PEX26: variants seen among roughly 807,000 people sequenced by gnomAD.
PEX26 encodes peroxisomal biogenesis factor 26.
A neutral mutation model predicts 31.4 loss-of-function variants in PEX26; 18 were observed. The observed-to-expected ratio is 0.57, with a 90% CI of 0.40 to 0.85. PEX26 has a LOEUF of 0.85. Among genes scored for constraint, PEX26 ranks in the 40% least tolerant of loss-of-function variants. The probability of loss-of-function intolerance (pLI) is 0.00; values close to 1 mark genes in which losing one functional copy is unlikely to be tolerated. For synonymous variants in PEX26, 176 were observed against 166.9 expected, an observed-to-expected ratio of 1.05 and a Z score of -0.42; for missense variants, 377 against 383.9, an observed-to-expected ratio of 0.98 and a Z score of 0.15.
In PEX26 at chr22:18,103,217, CAT is replaced by C. The variant is rs1927511767; in HGVS notation, c.*15144_*15145del. On this transcript the variant is annotated 3_prime_UTR_variant, in exon 5 of 5. Transcript: ENST00000399744. ...GAAGAGGTGGCTTGATGGACACAAA[CAT>C]AGATAGAAGGAGTGAGTTCTAATGC... The C allele has an allele frequency of 6.6e-6, 1 of 150,610 alleles. No homozygotes were observed. The highest frequency in any genetic ancestry group is 1.5e-5 in the Non-Finnish European group (1 of 67,922). The allele number at this position is 150,610 out of a possible 1,614,324, so 9.3% of individuals were successfully genotyped here. A position where few individuals can be genotyped will look rare whatever the true frequency, so the allele number is the denominator to read the frequency against.
rs1927155307 is a variant in PEX26 at position 18,092,846 on chromosome 22, G to C, written c.*4771G>C. 1 of 139,654 alleles carries C rather than the reference G, an allele frequency of 7.2e-6. No homozygotes were observed. Among genetic ancestry groups the C allele is most frequent in the Admixed American group, 7.5e-5 (1 of 13,336 alleles). 8.7% of individuals were successfully genotyped at this position (139,654 alleles called of 1,614,324 possible). Reference sequence around the variant, plus strand: ...TTTGGGGGGGGGGTGGGTTATAAAAGCCCTTTTATAAAGCCAATTTTAAAC... The same window carrying C: ...TTTGGGGGGGGGGTGGGTTATAAAACCCCTTTTATAAAGCCAATTTTAAAC... On this transcript the variant is annotated 3_prime_UTR_variant, in exon 5 of 5. Transcript: ENST00000399744.
At chr22:18,086,370 T>C (rs755968970) in intron 4 of PEX26, among the ~76,000 whole-genome samples, 20 of 152,246 alleles carry the variant, frequency 1.3e-4, no homozygotes, top group Non-Finnish European at 2.5e-4. Flanking sequence ...TACTCTGCTG[T>C]GCTTTCAGTC....
In PEX26 at chr22:18,104,570, T is replaced by C. The variant is rs1354508905; in HGVS notation, c.*16495T>C. 1 of 152,140 alleles carries C rather than the reference T, an allele frequency of 6.6e-6. No homozygotes were observed. The highest frequency in any genetic ancestry group is 2.4e-5 in the African/African-American group (1 of 41,402). The allele number at this position is 152,140 out of a possible 1,614,324, so 9.4% of individuals were successfully genotyped here. ...CCCATCTGTGACAGAGCCTTGGATG[T>C]CACGAGGCCACAGGCTGGCCTTTCC... On this transcript the variant is annotated 3_prime_UTR_variant, in exon 5 of 5. Transcript: ENST00000399744.
In PEX26 at chr22:18,096,197, T is replaced by C. The variant is rs1038011671; in HGVS notation, c.*8122T>C. On this transcript the variant is annotated 3_prime_UTR_variant, in exon 5 of 5. Coordinates refer to ENST00000399744, the MANE Select transcript of PEX26 (RefSeq NM_001127649.3). ...TGCCTCAGTTACTTCATAGGTTTGTTGTGAGGATTAACTGGTGCTAATCCA... is the reference window on the plus strand; with the variant it reads ...TGCCTCAGTTACTTCATAGGTTTGTCGTGAGGATTAACTGGTGCTAATCCA... 6.6e-6 allele frequency: 1 copy of C among 152,154 alleles called. No individual in the cohort carries two copies. The highest frequency in any genetic ancestry group is 2.4e-5 in the African/African-American group (1 of 41,434). The allele number at this position is 152,154 out of a possible 1,614,324, so 9.4% of individuals were successfully genotyped here. A position where few individuals can be genotyped will look rare whatever the true frequency, so the allele number is the denominator to read the frequency against.
Position 18,089,486 on chromosome 22 carries a change from T to TAGG in PEX26, c.*1412_*1413insGGA, listed in dbSNP as rs1926988092. 6.6e-6 allele frequency: 1 copy of TAGG among 152,324 alleles called. No individual in the cohort carries two copies. The highest frequency in any genetic ancestry group is 1.5e-5 in the Non-Finnish European group (1 of 68,078). 9.4% of individuals were successfully genotyped at this position (152,324 alleles called of 1,614,324 possible). On this transcript the variant is annotated 3_prime_UTR_variant, in exon 5 of 5. Transcript: ENST00000399744. ...GTTTTCTCACCAGCCACAAGCATCTTATGAGTTTCTGTGCAAGGAAGCGTA... is the reference window on the plus strand; with the variant it reads ...GTTTTCTCACCAGCCACAAGCATCTTAGGATGAGTTTCTGTGCAAGGAAGCGTA...
At position 18,088,156 on chromosome 22, in the gene PEX26, C is replaced by G; in HGVS notation, c.*81C>G. The G allele has an allele frequency of 2.1e-6, 2 of 956,404 alleles. No homozygotes were observed. The highest frequency in any genetic ancestry group is 3.4e-6 in the Non-Finnish European group (2 of 589,054). 59.2% of individuals were successfully genotyped at this position (956,404 alleles called of 1,614,324 possible). A position where few individuals can be genotyped will look rare whatever the true frequency, so the allele number is the denominator to read the frequency against. On this transcript the variant is annotated 3_prime_UTR_variant, in exon 5 of 5. Transcript: ENST00000399744. The surrounding 1 kb of genome is among the most constrained non-coding windows in gnomAD (Gnocchi z 4.1). The stretch of plus-strand genomic sequence containing the variant: ...AGCGACAGAGCGACACATCCACAGG[C>G]GCCCCTGGGGAAATGGGACCAGCCT...
intron 2 of PEX26, among the ~76,000 whole-genome samples, chr22:18,080,629 C>CA (rs1926535381): frequency 1.3e-5 from 2 of 151,970 alleles, no homozygotes; most frequent in East Asian, 3.9e-4. Context: ...CGCCCCTGGC[C>CA]AAAAAATAAC....
chr22:18,088,423 A>C lies in PEX26; in HGVS notation c.*348A>C. On this transcript the variant is annotated 3_prime_UTR_variant, in exon 5 of 5. Transcript: ENST00000399744. The surrounding 1 kb of genome is among the most constrained non-coding windows in gnomAD (Gnocchi z 4.1). ...GGTTGGTTCTTCAGGTCAGGATGTT[A>C]ATGGAGCTGGAAGTTCAGAAAAAGC... 1 of 397,334 alleles carries C rather than the reference A, an allele frequency of 2.5e-6. No homozygotes were observed. The highest frequency in any genetic ancestry group is 4.8e-6 in the Non-Finnish European group (1 of 207,538). The allele number at this position is 397,334 out of a possible 1,614,324, so 24.6% of individuals were successfully genotyped here. A position where few individuals can be genotyped will look rare whatever the true frequency, so the allele number is the denominator to read the frequency against.
Position 18,100,498 on chromosome 22 carries a change from C to G in PEX26, c.*12423C>G, listed in dbSNP as rs941116662. ...TCATGGTCCGAAAGTATTTAGTCAGCAATGTACCATTATAGAAAAACACAT... is the reference window on the plus strand; with the variant it reads ...TCATGGTCCGAAAGTATTTAGTCAGGAATGTACCATTATAGAAAAACACAT... On this transcript the variant is annotated 3_prime_UTR_variant, in exon 5 of 5. Transcript: ENST00000399744. The G allele has an allele frequency of 1.3e-5, 2 of 152,144 alleles. No individual in the cohort carries two copies. The highest frequency in any genetic ancestry group is 4.1e-4 in the South Asian group (2 of 4,826). The allele number at this position is 152,144 out of a possible 1,614,324, so 9.4% of individuals were successfully genotyped here. A position where few individuals can be genotyped will look rare whatever the true frequency, so the allele number is the denominator to read the frequency against.
rs77652499 is a variant in PEX26 at position 18,080,966 on chromosome 22, C to T, written c.371+952C>T. Among the ~76,000 whole-genome samples the T allele has an allele frequency of 7.2e-3, 1,101 of 152,010 alleles. 15 individuals are homozygous for T. Among genetic ancestry groups the T allele is most frequent in the African/African-American group, 0.025 (1,030 of 41,422 alleles). ...TTCCTTTCCCAGTCTCTGGTAACCA[C>T]CGTTCTACCGTCTGCTTCTATGATA... On this transcript the variant is annotated intron_variant, in intron 2 of 4. Transcript: ENST00000399744.
chr22:18,084,759 G>A (rs933393465), intron 3 of PEX26, among the ~76,000 whole-genome samples: 6 of 124,670 alleles, frequency 4.8e-5, no homozygotes, highest in African/African-American at 1.9e-4. Context: ...TTTTGCTCTT[G>A]TTGCCCAAGC....
chr22:18,084,390 G>A lies in PEX26; in HGVS notation c.667+658G>A, dbSNP rs906914890. ...CTCCTGAGTAGCTGGGACTACAGGT[G>A]CCCGCCACCACACCTGGCTAATTTT... On this transcript the variant is annotated intron_variant, in intron 3 of 4. Coordinates refer to ENST00000399744, the MANE Select transcript of PEX26 (RefSeq NM_001127649.3). 3.3e-5 allele frequency among the ~76,000 whole-genome samples: 5 copies of A among 151,990 alleles called. No individual in the cohort carries two copies. In the East Asian group the frequency reaches 9.7e-4, roughly 29 times the overall value.
Position 18,094,334 on chromosome 22 carries a change from C to T in PEX26, c.*6259C>T, listed in dbSNP as rs996284501. 6.6e-6 allele frequency: 1 copy of T among 152,258 alleles called. No homozygotes were observed. The highest frequency in any genetic ancestry group is 2.4e-5 in the African/African-American group (1 of 41,412). 9.4% of individuals were successfully genotyped at this position (152,258 alleles called of 1,614,324 possible). On this transcript the variant is annotated 3_prime_UTR_variant, in exon 5 of 5. Coordinates refer to ENST00000399744, the MANE Select transcript of PEX26 (RefSeq NM_001127649.3). ...TCACACCATTCTCCTGCCTCAGCCT[C>T]CCGAGTGGCTGGGACTATAGGCGCC... is the stretch of plus-strand genomic sequence containing the variant.
chr22:18,088,445 A>G lies in PEX26; in HGVS notation c.*370A>G. The G allele has an allele frequency of 2.7e-6, 1 of 369,938 alleles. No homozygotes were observed. Among genetic ancestry groups the G allele is most frequent in the Non-Finnish European group, 5.3e-6 (1 of 190,362 alleles). 22.9% of individuals were successfully genotyped at this position (369,938 alleles called of 1,614,324 possible). A position where few individuals can be genotyped will look rare whatever the true frequency, so the allele number is the denominator to read the frequency against. On this transcript the variant is annotated 3_prime_UTR_variant, in exon 5 of 5. Coordinates refer to ENST00000399744, the MANE Select transcript of PEX26 (RefSeq NM_001127649.3). This position sits in a 1 kb window ranked among gnomAD's most constrained non-coding sequence, Gnocchi z 4.1. Reference sequence around the variant, plus strand: ...GTTAATGGAGCTGGAAGTTCAGAAAAAGCCTGGTGAAGTGACCCTTGGCCT... The same window carrying G: ...GTTAATGGAGCTGGAAGTTCAGAAAGAGCCTGGTGAAGTGACCCTTGGCCT...
chr22:18,088,298 C>T lies in PEX26; in HGVS notation c.*223C>T. Reference sequence around the variant, plus strand: ...GCAGGACCAGCAGGCACAGCACCTCCAGAACAGTGCCCCGGATGACCAGAG... The same window carrying T: ...GCAGGACCAGCAGGCACAGCACCTCTAGAACAGTGCCCCGGATGACCAGAG... On this transcript the variant is annotated 3_prime_UTR_variant, in exon 5 of 5. Coordinates refer to ENST00000399744, the MANE Select transcript of PEX26 (RefSeq NM_001127649.3). The surrounding 1 kb of genome is among the most constrained non-coding windows in gnomAD (Gnocchi z 4.1). 1.5e-6 allele frequency: 1 copy of T among 670,182 alleles called. No individual in the cohort carries two copies. The highest frequency in any genetic ancestry group is 1.5e-5 in the South Asian group (1 of 65,842). 41.5% of individuals were successfully genotyped at this position (670,182 alleles called of 1,614,324 possible). A position where few individuals can be genotyped will look rare whatever the true frequency, so the allele number is the denominator to read the frequency against.
At chr22:18,078,812 CCA>C in intron 1 of PEX26, 2 of 702,956 alleles carry the variant, frequency 2.8e-6, no homozygotes, top group African/African-American at 3.5e-5. Flanking sequence ...AGTGGGGATC[CCA>C]CAGCCAATTA....
At position 18,090,739 on chromosome 22, in the gene PEX26, A is replaced by G. The variant is rs1927059831; in HGVS notation, c.*2664A>G. The G allele has an allele frequency of 1.5e-5, 2 of 133,686 alleles. No homozygotes were observed. Among genetic ancestry groups the G allele is most frequent in the Non-Finnish European group, 3.1e-5 (2 of 63,648 alleles). The allele number at this position is 133,686 out of a possible 1,614,324, so 8.3% of individuals were successfully genotyped here. ...TAAATTTAGGGGCGCTAAGGAAAGC[A>G]GGAACCAGTAATCCTCTTCTGTGGT... On this transcript the variant is annotated 3_prime_UTR_variant, in exon 5 of 5. Transcript: ENST00000399744.
Position 18,092,147 on chromosome 22 carries a change from G to T in PEX26, c.*4072G>T, listed in dbSNP as rs1042244086. 6 of 152,272 alleles carry T rather than the reference G, an allele frequency of 3.9e-5. No individual in the cohort carries two copies. Among genetic ancestry groups the T allele is most frequent in the Admixed American group, 1.3e-4 (2 of 15,286 alleles). 9.4% of individuals were successfully genotyped at this position (152,272 alleles called of 1,614,324 possible). ...CCCAGCACGGAAAAGCCGTGGGGCC[G>T]ATGGACTTTGGCCTCACATCCACAG... On this transcript the variant is annotated 3_prime_UTR_variant, in exon 5 of 5. Transcript: ENST00000399744.
rs1384707261 is a variant in PEX26, at chr22:18,083,745, C to A, written c.667+13C>A. The A allele has an allele frequency of 6.2e-7, 1 of 1,612,660 alleles. No homozygotes were observed. The stretch of plus-strand genomic sequence containing the variant: ...CCAAACCTGGAAGGTAGGACATTAT[C>A]CCTCTGCGACCTCTGTAAAGTGGAC... On this transcript the variant is annotated intron_variant, in intron 3 of 4. Coordinates refer to ENST00000399744, the MANE Select transcript of PEX26 (RefSeq NM_001127649.3).
Sources: gnomAD v4.1 joint callset for allele counts (sites outside exome capture counted in the v4.1 genomes callset) on GRCh38, gnomAD v4.1.1 for gene constraint, Gnocchi (gnomAD v3.1) non-coding constraint, MANE v1.5 for transcripts, NCBI Gene and HGNC (gene_info 2026-07-23, HGNC 2026-07-21) for gene names.